The following UNC80 variants were observed in gnomAD, a reference collection of about 807,000 sequenced individuals.
UNC80 encodes the protein protein unc-80 homolog.
A neutral mutation model predicts 384.6 loss-of-function variants in UNC80; 164 were observed. That is an observed-to-expected ratio of 0.43 (90% CI 0.38 to 0.49). The LOEUF (loss-of-function observed/expected upper bound fraction) is 0.49. UNC80 is among the 20% of genes least tolerant of loss of function. The probability of loss-of-function intolerance (pLI) is 0.00; values close to 1 mark genes in which losing one functional copy is unlikely to be tolerated. For missense variants in UNC80, 3,330 were observed against 4,143.0 expected, an observed-to-expected ratio of 0.80 and a Z score of 5.39; for synonymous variants, 1,486 against 1,527.8, an observed-to-expected ratio of 0.97 and a Z score of 0.64.
At chr2:209,820,171 A>C in intron 12 of UNC80, 140 bp from the exon 13 acceptor site, 6 of 1,297,334 alleles carry the variant, frequency 4.6e-6, no homozygotes, top group Non-Finnish European at 4.0e-6. Flanking sequence ...TTTATAGGAA[A>C]ATTTGACAGT....
chr2:209,864,989 A>G (rs111333825), intron 22 of UNC80, among the ~76,000 whole-genome samples: 6 of 152,144 alleles, frequency 3.9e-5, no homozygotes, highest in Non-Finnish European at 5.9e-5. Flanking sequence ...CGTGAGGGGC[A>G]TCTTCGGATC....
intron 23 of UNC80, among the ~76,000 whole-genome samples, chr2:209,873,690 A>G (rs1366369389): frequency 3.3e-5 from 5 of 152,206 alleles, no homozygotes; most frequent in African/African-American, 1.2e-4. Flanking sequence ...AAACACACAT[A>G]AAGAGGTTCC....
intron 27 of UNC80, 31 bp from the exon 28 acceptor site, chr2:209,896,282 T>C (rs1220447667): frequency 1.3e-6 from 2 of 1,542,448 alleles, no homozygotes; most frequent in Admixed American, 2.0e-5. Flanking sequence ...GACCGAACAC[T>C]GAAACCTTTC....
Position 209,834,930 on chromosome 2 carries a change from T to C in UNC80, c.2961T>C (p.Ile987=). 1 of 1,550,582 alleles carries C rather than the reference T, an allele frequency of 6.4e-7. No individual in the cohort carries two copies. The highest frequency in any genetic ancestry group is 8.7e-7 in the Non-Finnish European group (1 of 1,146,178). The change falls in exon 18 of 65, where the codon ATT becomes ATC. Residue 987 remains isoleucine (I), a synonymous_variant. Transcript: ENST00000673920. The part of the protein sequence containing the change: ...AGSKRSEAGS[I]VDKGQVSSAP... ...TGCATAGGTCAGAGGCGGGAAGCAT[T>C]GTGGATAAAGGCCAGGTATCCTCTG...
intron 35 of UNC80, among the ~76,000 whole-genome samples, chr2:209,923,206 A>G (rs1285056842): frequency 6.6e-6 from 1 of 152,112 alleles, no homozygotes; most frequent in Non-Finnish European, 1.5e-5. Flanking sequence ...ATTAGGTCCA[A>G]TGTGTGTGTT....
At chr2:209,965,153 A>G (rs1044529138) in intron 51 of UNC80, among the ~76,000 whole-genome samples, 2 of 152,006 alleles carry the variant, frequency 1.3e-5, no homozygotes, top group African/African-American at 2.4e-5. Flanking sequence ...GAGTCACTGT[A>G]GGCCAAGTAC....
intron 29 of UNC80, among the ~76,000 whole-genome samples, chr2:209,909,438 C>G (rs1043611616): frequency 6.6e-6 from 1 of 152,178 alleles, no homozygotes; most frequent in Non-Finnish European, 1.5e-5. Context: ...CATAGTCTTT[C>G]ATCTCTGCTT....
chr2:209,895,747 A>T (rs192320623), intron 27 of UNC80, among the ~76,000 whole-genome samples: 1 of 152,210 alleles, frequency 6.6e-6, no homozygotes, highest in African/African-American at 2.4e-5. Flanking sequence ...TATTTCCTTT[A>T]TACTTTCACA....
chr2:209,949,661 A>G (rs1032898032), intron 47 of UNC80, among the ~76,000 whole-genome samples: 7 of 152,000 alleles, frequency 4.6e-5, no homozygotes, highest in African/African-American at 1.4e-4. Flanking sequence ...TATTTTTAGT[A>G]GACATGGGGT....
intron 8 of UNC80, 137 bp downstream of exon 8, chr2:209,813,978 T>G: frequency 8.9e-7 from 1 of 1,120,430 alleles, no homozygotes; most frequent in Non-Finnish European, 1.2e-6. Flanking sequence ...CTATTATCTT[T>G]TCCCTTCCAT....
chr2:209,903,191 C>G (rs1379508651), intron 28 of UNC80, among the ~76,000 whole-genome samples: 1 of 149,570 alleles, frequency 6.7e-6, no homozygotes, highest in Non-Finnish European at 1.5e-5. Context: ...TTAGTAAAAA[C>G]AAAATTTTGG....
At chr2:209,788,347 G>A (rs577597986) in intron 5 of UNC80, among the ~76,000 whole-genome samples, 1 of 151,430 alleles carries the variant, frequency 6.6e-6, no homozygotes, top group Non-Finnish European at 1.5e-5. Flanking sequence ...AACCTGGGAG[G>A]TGGAGGTTGC....
chr2:209,779,267 A>C (rs2077030111), intron 4 of UNC80, among the ~76,000 whole-genome samples: 1 of 152,006 alleles, frequency 6.6e-6, no homozygotes, highest in Admixed American at 6.6e-5. Context: ...AACCATCTTC[A>C]GGCTTGTGGG....
intron 54 of UNC80, among the ~76,000 whole-genome samples, chr2:209,971,528 T>A (rs1291593103): frequency 6.6e-6 from 1 of 151,748 alleles, no homozygotes; most frequent in Non-Finnish European, 1.5e-5. Context: ...CACCCAGTTT[T>A]AGAGAATGGT....
intron 36 of UNC80, among the ~76,000 whole-genome samples, chr2:209,927,592 A>T (rs188190249): frequency 2.6e-5 from 4 of 152,338 alleles, no homozygotes; most frequent in African/African-American, 9.6e-5. Flanking sequence ...TAAATCTTAC[A>T]TTTCAGCCAG....
chr2:209,921,710 T>C, intron 34 of UNC80, 24 bp downstream of exon 34: 1 of 1,518,832 alleles, frequency 6.6e-7, no homozygotes, highest in Non-Finnish European at 8.8e-7. Flanking sequence ...ACAGGACTTC[T>C]TGGGGGGCTG....
Position 209,792,503 on chromosome 2 carries a change from G to A in UNC80, c.799-1217G>A, listed in dbSNP as rs1311289822. 3.9e-5 allele frequency among the ~76,000 whole-genome samples: 6 copies of A among 151,914 alleles called. No individual in the cohort carries two copies. The South Asian group carries it at 6.2e-4, about 16-fold the overall frequency. On this transcript the variant is annotated intron_variant, in intron 6 of 64. Coordinates refer to ENST00000673920, the MANE Select transcript of UNC80 (RefSeq NM_001371986.1). ...GCTGGGACTACAGGCGCCCACCACC[G>A]CGCCCAGCTAATTTTTTGTATTTTT...
At chr2:209,903,307 T>G (rs1347764330) in intron 28 of UNC80, among the ~76,000 whole-genome samples, 1 of 89,338 alleles carries the variant, frequency 1.1e-5, no homozygotes, top group East Asian at 3.0e-4. Flanking sequence ...ATACAATATA[T>G]ATATTATATT....
intron 6 of UNC80, among the ~76,000 whole-genome samples, chr2:209,790,249 TA>T (rs1354767813): frequency 1.3e-5 from 2 of 152,174 alleles, no homozygotes; most frequent in Non-Finnish European, 2.9e-5. Flanking sequence ...CTTATGGCAT[TA>T]AATGACCTGC....
Sources: allele counts gnomAD v4.1 joint callset (sites outside exome capture counted in the v4.1 genomes callset), GRCh38; gene constraint gnomAD v4.1.1; transcripts MANE v1.5; gene names NCBI Gene and HGNC (gene_info 2026-07-23, HGNC 2026-07-21).